Variants in LRRC37A2 observed in about 807,000 individuals in gnomAD.
LRRC37A2 encodes the protein leucine-rich repeat-containing protein 37A2.
Under a neutral mutation model 68.8 loss-of-function variants are expected in LRRC37A2, and 9 were observed. The ratio of observed to expected loss-of-function variants is 0.13; its 90% CI spans 0.08 to 0.23. The LOEUF (loss-of-function observed/expected upper bound fraction) is 0.23, where lower values mean the gene tolerates loss of function less well. Among genes scored for constraint, LRRC37A2 ranks in the 10% least tolerant of loss-of-function variants. LRRC37A2 has a pLI of 1.00. For synonymous variants in LRRC37A2, 63 were observed against 367.6 expected, an observed-to-expected ratio of 0.17 and a Z score of 9.48; for missense variants, 168 against 950.4, an observed-to-expected ratio of 0.18 and a Z score of 10.82.
the LRRC37A2 span, among the ~76,000 whole-genome samples, chr17:46,896,917 G>A: frequency 6.6e-6 from 1 of 152,270 alleles, no homozygotes; most frequent in African/African-American, 2.4e-5. Context: ...GCCAAAAGAA[G>A]TCCCCAAATC....
chr17:46,657,471 A>G, the LRRC37A2 span, among the ~76,000 whole-genome samples: 1 of 150,674 alleles, frequency 6.6e-6, no homozygotes, highest in Non-Finnish European at 1.5e-5. Context: ...CCTCATTATA[A>G]AAATGGGAAG....
At chr17:46,735,205 G>C in the LRRC37A2 span, among the ~76,000 whole-genome samples, 1 of 152,196 alleles carries the variant, frequency 6.6e-6, no homozygotes, top group East Asian at 1.9e-4. Flanking sequence ...TAAATTATAA[G>C]ATATATATGC....
the LRRC37A2 span, chr17:46,885,052 G>C: frequency 1.4e-5 from 6 of 441,438 alleles, no homozygotes; most frequent in Non-Finnish European, 2.7e-5. Context: ...GCAGTGGCAA[G>C]ATCTCAGCTC....
the LRRC37A2 span, among the ~76,000 whole-genome samples, chr17:46,802,274 T>C: frequency 0.032 from 4,796 of 152,208 alleles, 128 homozygotes; most frequent in Middle Eastern, 0.11. Flanking sequence ...TTTTCTTTTA[T>C]TTATTTATTT....
the LRRC37A2 span, among the ~76,000 whole-genome samples, chr17:47,008,541 C>T: frequency 6.6e-6 from 1 of 151,968 alleles, no homozygotes; most frequent in Non-Finnish European, 1.5e-5. Context: ...TCACTACAGC[C>T]TCCACCTCCC....
At chr17:46,721,477 A>G in the LRRC37A2 span, 1 of 721,182 alleles carries the variant, frequency 1.4e-6, no homozygotes, top group African/African-American at 1.8e-5. Context: ...ATGTATGTTG[A>G]TAATTTTACC....
At chr17:46,862,656 C>G in the LRRC37A2 span, among the ~76,000 whole-genome samples, 1 of 152,122 alleles carries the variant, frequency 6.6e-6, no homozygotes, top group African/African-American at 2.4e-5. Flanking sequence ...GATCTTAGCT[C>G]ACTACAACCT....
the LRRC37A2 span, among the ~76,000 whole-genome samples, chr17:46,914,994 C>G: frequency 6.6e-6 from 1 of 152,226 alleles, no homozygotes; most frequent in East Asian, 1.9e-4. Context: ...ACCCTCTCAT[C>G]CCAACTACAT....
chr17:46,852,255 T>A, the LRRC37A2 span, among the ~76,000 whole-genome samples: 4 of 150,160 alleles, frequency 2.7e-5, no homozygotes, highest in Admixed American at 6.7e-5. Flanking sequence ...CCAGGGAGAA[T>A]GGGGGAAACC....
the LRRC37A2 span, chr17:46,751,389 C>G: frequency 4.0e-4 from 291 of 728,926 alleles, no homozygotes; most frequent in Non-Finnish European, 3.0e-5. Flanking sequence ...AGAATTCTAT[C>G]AACTTGAACA....
chr17:46,917,492 C>T, the LRRC37A2 span, among the ~76,000 whole-genome samples: 1 of 152,216 alleles, frequency 6.6e-6, no homozygotes, highest in African/African-American at 2.4e-5. Context: ...GGCTGGTTCC[C>T]CAAAGCTTTG....
chr17:46,984,650 T>C, the LRRC37A2 span, among the ~76,000 whole-genome samples: 6 of 152,190 alleles, frequency 3.9e-5, no homozygotes, highest in Non-Finnish European at 4.4e-5. Flanking sequence ...GCCTGAGCCA[T>C]CCAGAGTCAG....
the LRRC37A2 span, among the ~76,000 whole-genome samples, chr17:46,441,749 CTA>C: frequency 2.9e-5 from 1 of 34,620 alleles, no homozygotes; most frequent in Non-Finnish European, 8.4e-5. Flanking sequence ...ATGGACATAT[CTA>C]TATATATCTC....
At chr17:46,773,645 C>A in the LRRC37A2 span, 37 of 1,399,540 alleles carry the variant, frequency 2.6e-5, no homozygotes, top group Admixed American at 4.3e-4. Context: ...GCCCCTCCCC[C>A]CCCCTCAGCC....
At chr17:46,844,642 T>G in the LRRC37A2 span, among the ~76,000 whole-genome samples, 2 of 152,198 alleles carry the variant, frequency 1.3e-5, no homozygotes, top group Non-Finnish European at 2.9e-5. Context: ...CTCGTCCTTC[T>G]TTTTAGAGAG....
the LRRC37A2 span, among the ~76,000 whole-genome samples, chr17:46,999,210 C>T: frequency 6.6e-6 from 1 of 152,250 alleles, no homozygotes; most frequent in African/African-American, 2.4e-5. Context: ...CAAATCCTTG[C>T]ACTGCCTCCT....
the LRRC37A2 span, among the ~76,000 whole-genome samples, chr17:47,024,478 T>G: frequency 2.6e-5 from 4 of 152,026 alleles, no homozygotes; most frequent in Non-Finnish European, 5.9e-5. Context: ...TGCTTGAGTG[T>G]GTGTGTGTGT....
chr17:46,962,301 C>T, the LRRC37A2 span, among the ~76,000 whole-genome samples: 1 of 149,746 alleles, frequency 6.7e-6, no homozygotes, highest in African/African-American at 2.5e-5. Context: ...TGCACTCCAA[C>T]CTGGGCAATA....
At chr17:46,768,707 G>A in the LRRC37A2 span, 3 of 1,614,120 alleles carry the variant, frequency 1.9e-6, no homozygotes, top group Admixed American at 3.3e-5. This position sits in a 1 kb window ranked among gnomAD's most constrained non-coding sequence, Gnocchi z 5.0. Flanking sequence ...CGATGGCACG[G>A]AAGTCAGGCT....
Sources: allele counts gnomAD v4.1 joint callset (sites outside exome capture counted in the v4.1 genomes callset), GRCh38; gene constraint gnomAD v4.1.1; non-coding constraint Gnocchi (gnomAD v3.1); transcripts MANE v1.5; gene names NCBI Gene and HGNC (gene_info 2026-07-23, HGNC 2026-07-21).